PDE9A: variants seen among roughly 807,000 people sequenced by gnomAD.
PDE9A encodes high affinity cGMP-specific 3',5'-cyclic phosphodiesterase 9A.
A neutral mutation model predicts 87.4 loss-of-function variants in PDE9A; 60 were observed. That is an observed-to-expected ratio of 0.69 (90% CI 0.56 to 0.85). The LOEUF (loss-of-function observed/expected upper bound fraction) is 0.85, where lower values mean the gene tolerates loss of function less well. Among genes scored for constraint, PDE9A ranks in the 40% least tolerant of loss-of-function variants. The probability of loss-of-function intolerance (pLI) is 0.00; values close to 1 mark genes in which losing one functional copy is unlikely to be tolerated. For missense variants in PDE9A, 665 were observed against 779.0 expected, an observed-to-expected ratio of 0.85 and a Z score of 1.74; for synonymous variants, 272 against 279.4, an observed-to-expected ratio of 0.97 and a Z score of 0.27.
intron 15 of PDE9A, among the ~76,000 whole-genome samples, chr21:42,767,025 C>G (rs921887725): frequency 1.3e-5 from 2 of 152,114 alleles, no homozygotes; most frequent in Admixed American, 1.3e-4. Context: ...AGGCTCAGAG[C>G]CCAGGGTTCC....
intron 1 of PDE9A, among the ~76,000 whole-genome samples, chr21:42,672,769 TG>T (rs1339574823): frequency 1.3e-5 from 2 of 152,242 alleles, no homozygotes; most frequent in African/African-American, 4.8e-5. Flanking sequence ...TGTGTTGATG[TG>T]GCCTCCAGCT....
intron 1 of PDE9A, among the ~76,000 whole-genome samples, chr21:42,654,430 C>CGAATGTCCAGCGTTCCTA (rs2056894801): frequency 6.6e-6 from 1 of 152,160 alleles, no homozygotes; most frequent in African/African-American, 2.4e-5. Flanking sequence ...GGAAGTCCCT[C>CGAATGTCCAGCGTTCCTA]GAATGTCCAG....
intron 8 of PDE9A, among the ~76,000 whole-genome samples, chr21:42,744,861 T>C (rs1333982018): frequency 6.6e-6 from 1 of 152,228 alleles, no homozygotes; most frequent in Non-Finnish European, 1.5e-5. Context: ...AGGCACTTAC[T>C]GTGTGCGGGC....
chr21:42,774,566 G>C (rs947973751), intron 19 of PDE9A, among the ~76,000 whole-genome samples: 1 of 152,128 alleles, frequency 6.6e-6, no homozygotes, highest in African/African-American at 2.4e-5. Flanking sequence ...CAATATATCT[G>C]ATGGCCTCTT....
chr21:42,764,029 GT>G (rs1248863173), intron 14 of PDE9A, among the ~76,000 whole-genome samples: 2 of 152,214 alleles, frequency 1.3e-5, no homozygotes, highest in Non-Finnish European at 2.9e-5. Flanking sequence ...CCAGGCTGTG[GT>G]TCATTGGGAT....
intron 1 of PDE9A, among the ~76,000 whole-genome samples, chr21:42,661,758 G>C (rs2057516855): frequency 6.6e-6 from 1 of 152,176 alleles, no homozygotes; most frequent in African/African-American, 2.4e-5. Context: ...GAAAAACTTT[G>C]TGAGTTCCCG....
Position 42,760,371 on chromosome 21 carries a change from TC to T in PDE9A, c.943del (p.Arg315GlyfsTer9). 10 of 1,610,326 alleles carry T rather than the reference TC, an allele frequency of 6.2e-6. No homozygotes were observed. Among genetic ancestry groups the T allele is most frequent in the Non-Finnish European group, 8.5e-6 (10 of 1,179,558 alleles). On this transcript the variant is annotated frameshift_variant, in exon 12 of 20. Transcript: ENST00000291539. LOFTEE classifies it high-confidence loss of function. The surrounding 1 kb of genome is among the most constrained non-coding windows in gnomAD (Gnocchi z 5.2). ...DNYRNNPFHN[F>X]RHCFCVAQMM... Reference sequence around the variant, plus strand: ...TACAGAAACAACCCCTTCCACAACTTCCGGCACTGCTTCTGCGTGGCCCAGA... The same window carrying T: ...TACAGAAACAACCCCTTCCACAACTTCGGCACTGCTTCTGCGTGGCCCAGA...
chr21:42,758,511 G>A (rs926355755), intron 10 of PDE9A: 16 of 152,662 alleles, frequency 1.0e-4, no homozygotes, highest in African/African-American at 2.4e-4. Context: ...CCCCAGCCTC[G>A]GGCAAGGAAA....
At chr21:42,655,556 G>A (rs1381288689) in intron 1 of PDE9A, among the ~76,000 whole-genome samples, 7 of 152,164 alleles carry the variant, frequency 4.6e-5, no homozygotes, top group East Asian at 3.9e-4. Context: ...GCACCTTTGC[G>A]GGGGAGAGGC....
chr21:42,653,929 A>C, intron 1 of PDE9A, 46 bp downstream of exon 1: 1 of 1,187,950 alleles, frequency 8.4e-7, no homozygotes, highest in Non-Finnish European at 1.2e-6. Context: ...CCCGGGTGAC[A>C]GCGCCGGGGC....
At chr21:42,733,731 T>C in intron 7 of PDE9A, 4 of 385,926 alleles carry the variant, frequency 1.0e-5, no homozygotes, top group Non-Finnish European at 1.9e-5. Context: ...CTGAGTGTCT[T>C]GTCTGTGTCT....
intron 4 of PDE9A, among the ~76,000 whole-genome samples, chr21:42,717,856 C>T (rs941841386): frequency 6.6e-6 from 1 of 151,682 alleles, no homozygotes; most frequent in Non-Finnish European, 1.5e-5. Flanking sequence ...GATCATTATT[C>T]CTCTGTATGA....
chr21:42,661,840 G>A (rs2057524834), intron 1 of PDE9A, among the ~76,000 whole-genome samples: 1 of 152,236 alleles, frequency 6.6e-6, no homozygotes, highest in African/African-American at 2.4e-5. Flanking sequence ...GGTGTAGCCT[G>A]TGTACAGCCT....
At chr21:42,767,651 G>A (rs966199148) in intron 15 of PDE9A, among the ~76,000 whole-genome samples, 5 of 152,188 alleles carry the variant, frequency 3.3e-5, no homozygotes, top group Admixed American at 6.5e-5. Context: ...GAGCCTGGAT[G>A]GCAACCAACA....
chr21:42,743,935 G>T, intron 8 of PDE9A, 75 bp downstream of exon 8: 1 of 856,078 alleles, frequency 1.2e-6, no homozygotes, highest in South Asian at 1.4e-5. Context: ...GGGGCTGTGG[G>T]CTTTGTTTGC....
At chr21:42,726,612 A>ATTTTT (rs1569207248) in intron 4 of PDE9A, among the ~76,000 whole-genome samples, 1 of 24,872 alleles carries the variant, frequency 4.0e-5, no homozygotes, top group African/African-American at 3.7e-4. Context: ...ATATATATAT[A>ATTTTT]TATATATATA....
rs1027136870 is a variant in PDE9A at position 42,694,062 on chromosome 21, C to G, written c.219-4906C>G. Among the ~76,000 whole-genome samples the G allele has an allele frequency of 2.0e-5, 3 of 152,188 alleles. No individual in the cohort carries two copies. Among genetic ancestry groups the G allele is most frequent in the African/African-American group, 7.2e-5 (3 of 41,446 alleles). Reference sequence around the variant, plus strand: ...ATCTAAGAAACCACTCTACCCCACCCTCTGGTGACCAGAAGCTTATGTCTA... The same window carrying G: ...ATCTAAGAAACCACTCTACCCCACCGTCTGGTGACCAGAAGCTTATGTCTA... On this transcript the variant is annotated intron_variant, in intron 3 of 19. Coordinates refer to ENST00000291539, the MANE Select transcript of PDE9A (RefSeq NM_002606.3). This position sits in a 1 kb window ranked among gnomAD's most constrained non-coding sequence, Gnocchi z 5.3.
chr21:42,762,235 G>A lies in PDE9A; in HGVS notation c.1238G>A (p.Arg413Gln), dbSNP rs763389319. ...CCACCTGATGGGTTCAAGCAGATCC[G>A]ACAGGTGTGTGGGGTGAGGGCCCTC... Reference protein sequence around the residue: ...NIPPDGFKQIRQGMITLILAT... With the variant: ...NIPPDGFKQIQQGMITLILAT... Residue 413 changes from arginine to glutamine, a missense_variant, in exon 14 of 20, where the codon CGA (arginine) becomes CAA (glutamine). Transcript: ENST00000291539. 11 of 1,613,644 alleles carry A rather than the reference G, an allele frequency of 6.8e-6. 1 individual carries two copies. The highest frequency in any genetic ancestry group is 3.3e-5 in the South Asian group (3 of 91,058).
intron 3 of PDE9A, among the ~76,000 whole-genome samples, chr21:42,693,472 G>A (rs944963794): frequency 6.6e-6 from 1 of 150,676 alleles, no homozygotes; most frequent in African/African-American, 2.4e-5. Context: ...CTAATTTTTT[G>A]TGTTTTTAGT....
Sources: gnomAD v4.1 joint callset for allele counts (sites outside exome capture counted in the v4.1 genomes callset) on GRCh38, gnomAD v4.1.1 for gene constraint, Gnocchi (gnomAD v3.1) non-coding constraint, MANE v1.5 for transcripts, NCBI Gene and HGNC (gene_info 2026-07-23, HGNC 2026-07-21) for gene names.